CHRM2: variants seen among roughly 807,000 people sequenced by gnomAD.
The protein encoded by CHRM2 is muscarinic acetylcholine receptor M2.
CHRM2 carries 8 observed loss-of-function variants against 25.0 expected under a neutral mutation model. The ratio of observed to expected loss-of-function variants is 0.32; its 90% CI spans 0.19 to 0.58. The LOEUF is 0.58. Ranked by LOEUF, CHRM2 falls within the 20% of genes least tolerant of loss-of-function variation. CHRM2 has a pLI of 0.88. For synonymous variants in CHRM2, 202 were observed against 205.7 expected, an observed-to-expected ratio of 0.98 and a Z score of 0.15; for missense variants, 440 against 567.1, an observed-to-expected ratio of 0.78 and a Z score of 2.28.
At chr7:136,901,353 A>G (rs1338759807) in intron 2 of CHRM2, among the ~76,000 whole-genome samples, 1 of 152,116 alleles carries the variant, frequency 6.6e-6, no homozygotes, top group Non-Finnish European at 1.5e-5. Context: ...AGGCACTTGC[A>G]GGGCAAGTTT....
chr7:136,932,316 C>T (rs1056272334), intron 2 of CHRM2, among the ~76,000 whole-genome samples: 1 of 152,242 alleles, frequency 6.6e-6, no homozygotes, highest in Non-Finnish European at 1.5e-5. Flanking sequence ...GAAAACTTCC[C>T]TCATAAAGCT....
At chr7:136,912,300 A>G (rs1055945122) in intron 2 of CHRM2, among the ~76,000 whole-genome samples, 7 of 152,008 alleles carry the variant, frequency 4.6e-5, no homozygotes, top group African/African-American at 1.7e-4. Flanking sequence ...AGTCAATTTA[A>G]CAAATATTTA....
At chr7:136,918,680 C>T (rs1299809253) in intron 2 of CHRM2, among the ~76,000 whole-genome samples, 1 of 152,110 alleles carries the variant, frequency 6.6e-6, no homozygotes, top group East Asian at 1.9e-4. Context: ...CCCCTGTTAG[C>T]TTCCTGAGTC....
rs188574403 is a variant in CHRM2 at position 136,965,074 on chromosome 7, A to T, written c.-124-27113A>T. ...ATTTCTATGTCAAGAATTATATAAA[A>T]GTCTAGATATCTATGAATTAATGCA... On this transcript the variant is annotated intron_variant, in intron 2 of 3. Coordinates refer to ENST00000680005, the MANE Select transcript of CHRM2 (RefSeq NM_001006630.2). Among the ~76,000 whole-genome samples, 9 of 152,312 alleles carry T rather than the reference A, an allele frequency of 5.9e-5. No individual in the cohort carries two copies. The East Asian group carries it at 1.7e-3, about 29-fold the overall frequency.
At chr7:136,905,783 G>A (rs1257800060) in intron 2 of CHRM2, among the ~76,000 whole-genome samples, 3 of 150,352 alleles carry the variant, frequency 2.0e-5, no homozygotes, top group Non-Finnish European at 4.4e-5. Flanking sequence ...CTTCCCTTAT[G>A]TTTCAATATT....
chr7:136,911,703 T>C (rs1275383338), intron 2 of CHRM2, among the ~76,000 whole-genome samples: 1 of 151,978 alleles, frequency 6.6e-6, no homozygotes, highest in African/African-American at 2.4e-5. Context: ...TTTTCAAACC[T>C]GTTTACATGT....
chr7:136,961,845 A>G (rs1801104868), intron 2 of CHRM2, among the ~76,000 whole-genome samples: 1 of 152,176 alleles, frequency 6.6e-6, no homozygotes, highest in Non-Finnish European at 1.5e-5. Context: ...GGTCATGGAT[A>G]TGTGGAGAAG....
At chr7:136,927,499 T>C (rs1222848305) in intron 2 of CHRM2, among the ~76,000 whole-genome samples, 1 of 152,010 alleles carries the variant, frequency 6.6e-6, no homozygotes, top group Non-Finnish European at 1.5e-5. Flanking sequence ...ACTAGTTGAC[T>C]AGACCCTAGA....
At position 137,017,826 on chromosome 7, in the gene CHRM2, G is replaced by A. The variant is rs1279268253; in HGVS notation, c.*1560G>A. 6.6e-6 allele frequency: 1 copy of A among 151,804 alleles called. No individual in the cohort carries two copies. The highest frequency in any genetic ancestry group is 1.5e-5 in the Non-Finnish European group (1 of 67,888). 9.4% of individuals were successfully genotyped at this position (151,804 alleles called of 1,614,324 possible). ...TCATGTCAGGAACTATTATCTAAGT[G>A]GTGGCATTATATAGAATCTTGCCAC... On this transcript the variant is annotated 3_prime_UTR_variant, in exon 4 of 4. Transcript: ENST00000680005.
intron 2 of CHRM2, among the ~76,000 whole-genome samples, chr7:136,912,556 G>A (rs1265842977): frequency 1.3e-5 from 2 of 151,692 alleles, no homozygotes; most frequent in East Asian, 3.9e-4. Flanking sequence ...GGAACAAGTC[G>A]TCAGGACATG....
intron 3 of CHRM2, among the ~76,000 whole-genome samples, chr7:137,004,218 A>T (rs1276767776): frequency 6.6e-6 from 1 of 152,168 alleles, no homozygotes; most frequent in Non-Finnish European, 1.5e-5. Flanking sequence ...ATACTTCTGT[A>T]TGTGAACTAC....
Position 137,015,225 on chromosome 7 carries a change from C to T in CHRM2, c.360C>T (p.Asp120=). The change falls in exon 4 of 4, where the codon GAC becomes GAT. Residue 120 remains aspartate, a synonymous_variant. Coordinates refer to ENST00000680005, the MANE Select transcript of CHRM2 (RefSeq NM_001006630.2). The surrounding 1 kb of genome is among the most constrained non-coding windows in gnomAD (Gnocchi z 5.1). ...SVMNLLIISF[D]RYFCVTKPLT... ...TGAATCTGCTCATCATCAGCTTTGA[C>T]AGGTACTTCTGTGTCACAAAACCTC... 1 of 1,613,420 alleles carries T rather than the reference C, an allele frequency of 6.2e-7. No individual in the cohort carries two copies. Among genetic ancestry groups the T allele is most frequent in the Non-Finnish European group, 8.5e-7 (1 of 1,179,642 alleles).
At chr7:136,872,858 A>G (rs1346452351) in intron 2 of CHRM2, among the ~76,000 whole-genome samples, 1 of 152,220 alleles carries the variant, frequency 6.6e-6, no homozygotes, top group Non-Finnish European at 1.5e-5. Flanking sequence ...TGCTGGATTC[A>G]ACCTCCATCA....
At chr7:136,938,474 C>A in intron 2 of CHRM2, 1 of 1,131,088 alleles carries the variant, frequency 8.8e-7, no homozygotes. Context: ...ATGCGCACGG[C>A]CTGGATGTTG....
chr7:136,898,640 T>C (rs1207689749), intron 2 of CHRM2: 1 of 151,910 alleles, frequency 6.6e-6, no homozygotes. Context: ...GAGAAAGAAG[T>C]TGCTGACCAG....
chr7:136,927,593 T>C (rs996949540), intron 2 of CHRM2, among the ~76,000 whole-genome samples: 1 of 152,328 alleles, frequency 6.6e-6, no homozygotes, highest in East Asian at 1.9e-4. Flanking sequence ...TTAAGCCCCA[T>C]GGGGCATATT....
chr7:136,988,321 G>C (rs1230893097), intron 2 of CHRM2, among the ~76,000 whole-genome samples: 1 of 151,590 alleles, frequency 6.6e-6, no homozygotes, highest in Non-Finnish European at 1.5e-5. Context: ...GGAGAGGGAA[G>C]GGAAAAAGCT....
chr7:136,878,863 A>G (rs1796150750), intron 2 of CHRM2, among the ~76,000 whole-genome samples: 1 of 151,918 alleles, frequency 6.6e-6, no homozygotes, highest in African/African-American at 2.4e-5. Context: ...CTATACCACA[A>G]GCAGTTCTTT....
intron 2 of CHRM2, among the ~76,000 whole-genome samples, chr7:136,967,377 T>C (rs1801484992): frequency 6.6e-6 from 1 of 152,034 alleles, no homozygotes; most frequent in South Asian, 2.1e-4. Flanking sequence ...GTGAATAATC[T>C]ACATAGGGGA....
Sources: allele counts gnomAD v4.1 joint callset (sites outside exome capture counted in the v4.1 genomes callset), GRCh38; gene constraint gnomAD v4.1.1; non-coding constraint Gnocchi (gnomAD v3.1); transcripts MANE v1.5; gene names NCBI Gene and HGNC (gene_info 2026-07-23, HGNC 2026-07-21).